CADM2: variants seen among roughly 807,000 people sequenced by gnomAD.
The protein encoded by CADM2 is immunoglobulin superfamily member 4D.
CADM2 carries 12 observed loss-of-function variants against 49.8 expected under a neutral mutation model. That is an observed-to-expected ratio of 0.24 (90% confidence interval 0.15 to 0.39). The LOEUF (loss-of-function observed/expected upper bound fraction) is 0.39, where lower values mean the gene tolerates loss of function less well. Among genes scored for constraint, CADM2 ranks in the 10% least tolerant of loss-of-function variants. The pLI, the probability that CADM2 is intolerant of heterozygous loss-of-function variation, is 1.00. For synonymous variants in CADM2, 214 were observed against 175.4 expected, an observed-to-expected ratio of 1.22 and a Z score of -1.74; for missense variants, 378 against 492.3, an observed-to-expected ratio of 0.77 and a Z score of 2.20.
intron 3 of CADM2, among the ~76,000 whole-genome samples, chr3:85,859,973 A>G (rs1201391667): frequency 1.3e-5 from 2 of 152,150 alleles, no homozygotes; most frequent in Non-Finnish European, 2.9e-5. Flanking sequence ...TCCATTTAAT[A>G]CACTCATGTT....
At chr3:85,599,673 GA>G (rs1278750790) in intron 1 of CADM2, among the ~76,000 whole-genome samples, 1 of 121,232 alleles carries the variant, frequency 8.2e-6, no homozygotes, top group Non-Finnish European at 1.9e-5. Flanking sequence ...CACATGCTTT[GA>G]AAAAAATTAA....
intron 7 of CADM2, among the ~76,000 whole-genome samples, chr3:85,959,334 G>A (rs7636187): frequency 0.039 from 5,871 of 151,806 alleles, 383 homozygotes; most frequent in African/African-American, 0.13. Context: ...GCCCTTTTAG[G>A]TTTTATGGGG....
At position 85,211,755 on chromosome 3, in the gene CADM2, G is replaced by C. The variant is rs184474728; in HGVS notation, c.61+252087G>C. 1.8e-3 allele frequency among the ~76,000 whole-genome samples: 274 copies of C among 152,194 alleles called. 1 individual carries two copies. The highest frequency in any genetic ancestry group is 6.3e-3 in the African/African-American group (263 of 41,544). ...GAGGAGAACAATGTGTACTCTGCAG[G>C]TATTGTATGAAATATTCTGTAAATA... On this transcript the variant is annotated intron_variant, in intron 1 of 9. Transcript: ENST00000383699.
In CADM2 at chr3:85,752,535, C is replaced by T. The variant is rs144968677; in HGVS notation, c.88+25987C>T. Among the ~76,000 whole-genome samples, 890 of 151,920 alleles carry T rather than the reference C, an allele frequency of 5.9e-3. 9 individuals carry two copies. The highest frequency in any genetic ancestry group is 0.02 in the African/African-American group (818 of 41,428). On this transcript the variant is annotated intron_variant, in intron 2 of 9. Transcript: ENST00000383699. ...CTTAAGCTTTTCCAAAGTCCATCAG[C>T]AGGTCAGCATGTGGGATTTGGATTC...
chr3:85,969,229 C>T (rs1481088406), intron 8 of CADM2, among the ~76,000 whole-genome samples: 1 of 151,416 alleles, frequency 6.6e-6, no homozygotes, highest in African/African-American at 2.4e-5. Flanking sequence ...AAAGCCAAAC[C>T]CTCATTGTCC....
chr3:85,866,204 T>C (rs957871240), intron 3 of CADM2, among the ~76,000 whole-genome samples: 1 of 152,160 alleles, frequency 6.6e-6, no homozygotes, highest in Non-Finnish European at 1.5e-5. Context: ...CTACCAGTAA[T>C]TACTAACATT....
At chr3:85,225,192 A>C (rs746789523) in intron 1 of CADM2, among the ~76,000 whole-genome samples, 7 of 152,172 alleles carry the variant, frequency 4.6e-5, no homozygotes, top group African/African-American at 9.7e-5. Context: ...TACTTTGGGC[A>C]GTATGGCCAT....
chr3:85,530,954 T>C (rs2061296538), intron 1 of CADM2, among the ~76,000 whole-genome samples: 2 of 149,764 alleles, frequency 1.3e-5, no homozygotes, highest in South Asian at 4.3e-4. Flanking sequence ...TCCTTAATAT[T>C]CCCAAAACTC....
rs115670440 is a variant in CADM2, at chr3:85,996,266, T to G, written c.970+34619T>G. Among the ~76,000 whole-genome samples the G allele has an allele frequency of 8.4e-3, 1,258 of 150,194 alleles. 9 individuals carry two copies. Among genetic ancestry groups the G allele is most frequent in the Non-Finnish European group, 0.014 (934 of 67,528 alleles). On this transcript the variant is annotated intron_variant, in intron 8 of 9. Transcript: ENST00000383699. ...TAAAGCCTGAAAGGCCTTGCCAAGTTAAAAGCTTCCATTTTTTCATTTACT... is the reference window on the plus strand; with the variant it reads ...TAAAGCCTGAAAGGCCTTGCCAAGTGAAAAGCTTCCATTTTTTCATTTACT...
At chr3:85,338,380 G>A (rs1187120305) in intron 1 of CADM2, among the ~76,000 whole-genome samples, 3 of 151,482 alleles carry the variant, frequency 2.0e-5, no homozygotes, top group Non-Finnish European at 4.4e-5. Flanking sequence ...AGAGTACAGA[G>A]TTTTTGTTTG....
intron 1 of CADM2, among the ~76,000 whole-genome samples, chr3:85,359,219 G>T (rs753674025): frequency 3.3e-5 from 5 of 152,018 alleles, no homozygotes; most frequent in Non-Finnish European, 7.4e-5. Flanking sequence ...TAAAAGAAAT[G>T]GATTAATCTT....
intron 1 of CADM2, among the ~76,000 whole-genome samples, chr3:85,678,320 C>T (rs975450218): frequency 6.6e-6 from 1 of 152,060 alleles, no homozygotes; most frequent in African/African-American, 2.4e-5. Context: ...TTTGTCATCC[C>T]ACCTTAGTAC....
chr3:85,148,506 A>G (rs905883114), intron 1 of CADM2, among the ~76,000 whole-genome samples: 2 of 152,198 alleles, frequency 1.3e-5, no homozygotes, highest in Non-Finnish European at 2.9e-5. Flanking sequence ...TTAGTTTTTT[A>G]CATCATATAT....
At chr3:85,462,252 C>T (rs2038281836) in intron 1 of CADM2, among the ~76,000 whole-genome samples, 1 of 152,142 alleles carries the variant, frequency 6.6e-6, no homozygotes, top group Non-Finnish European at 1.5e-5. Context: ...ATTGTTACTT[C>T]AGCCTATGAA....
At chr3:85,240,548 G>A (rs1020964066) in intron 1 of CADM2, among the ~76,000 whole-genome samples, 1 of 151,422 alleles carries the variant, frequency 6.6e-6, no homozygotes, top group Non-Finnish European at 1.5e-5. Context: ...CAAAATGAAT[G>A]GTTTGAGGAT....
intron 1 of CADM2, among the ~76,000 whole-genome samples, chr3:85,438,725 TGCAAGG>T (rs2037047320): frequency 1.3e-5 from 2 of 152,272 alleles, no homozygotes; most frequent in East Asian, 3.9e-4. Flanking sequence ...CAGGTTGTAG[TGCAAGG>T]GCATAATCAC....
intron 5 of CADM2, 46 bp from the exon 6 acceptor site, chr3:85,912,322 CTGTTT>C (rs759679851): frequency 4.4e-6 from 6 of 1,358,292 alleles, no homozygotes; most frequent in Non-Finnish European, 6.0e-6. Flanking sequence ...TAAATGCAAT[CTGTTT>C]TATTTTGAAA....
At chr3:85,958,296 A>AATAG in intron 7 of CADM2, among the ~76,000 whole-genome samples, 1 of 152,144 alleles carries the variant, frequency 6.6e-6, no homozygotes, top group Non-Finnish European at 1.5e-5. Flanking sequence ...GTCAAGAAGC[A>AATAG]ATAGATGCTG....
At chr3:85,020,989 C>T (rs535258309) in intron 1 of CADM2, among the ~76,000 whole-genome samples, 8 of 151,520 alleles carry the variant, frequency 5.3e-5, no homozygotes, top group Admixed American at 2.6e-4. Context: ...CCAGGGCTCA[C>T]GACTGTAATT....
Sources: allele counts gnomAD v4.1 joint callset (sites outside exome capture counted in the v4.1 genomes callset), GRCh38; gene constraint gnomAD v4.1.1; transcripts MANE v1.5; gene names NCBI Gene and HGNC (gene_info 2026-07-23, HGNC 2026-07-21).